PLCE1: variants seen among roughly 807,000 people sequenced by gnomAD.
PLCE1 encodes phospholipase C epsilon 1, also known as 1-phosphatidylinositol 4,5-bisphosphate phosphodiesterase epsilon-1.
A neutral mutation model predicts 242.8 loss-of-function variants in PLCE1; 119 were observed. That is an observed-to-expected ratio of 0.49 (90% confidence interval 0.42 to 0.57). The LOEUF (loss-of-function observed/expected upper bound fraction) is 0.57. Ranked by LOEUF, PLCE1 falls within the 20% of genes least tolerant of loss-of-function variation. The pLI is 0.00. For synonymous variants in PLCE1, 945 were observed against 1,017.4 expected, an observed-to-expected ratio of 0.93 and a Z score of 1.35; for missense variants, 2,441 against 2,788.8, an observed-to-expected ratio of 0.88 and a Z score of 2.81.
chr10:94,260,597 T>C (rs980295812), intron 13 of PLCE1, among the ~76,000 whole-genome samples: 10 of 151,886 alleles, frequency 6.6e-5, no homozygotes, highest in Non-Finnish European at 1.0e-4. Context: ...ATTATTGGAC[T>C]TTATTTTTTG....
intron 4 of PLCE1, among the ~76,000 whole-genome samples, chr10:94,221,245 C>T (rs997068473): frequency 2.0e-5 from 3 of 152,170 alleles, no homozygotes; most frequent in Non-Finnish European, 2.9e-5. Flanking sequence ...TAAACACCAC[C>T]CCCAGTGCTT....
chr10:94,123,598 C>T (rs973539847), intron 2 of PLCE1, among the ~76,000 whole-genome samples: 9 of 152,210 alleles, frequency 5.9e-5, no homozygotes, highest in African/African-American at 1.9e-4. Context: ...CAACTACCCC[C>T]TCCAACAGCC....
At chr10:94,324,700 T>C (rs1432781626) in intron 31 of PLCE1, 133 bp downstream of exon 31, 1 of 998,686 alleles carries the variant, frequency 1.0e-6, no homozygotes, top group Non-Finnish European at 1.5e-6. Flanking sequence ...AGAAAATTGT[T>C]TGGCTTTGTT....
At chr10:94,251,991 A>G (rs1041514528) in intron 8 of PLCE1, among the ~76,000 whole-genome samples, 2 of 152,166 alleles carry the variant, frequency 1.3e-5, no homozygotes, top group African/African-American at 4.8e-5. Flanking sequence ...TAATTTGCAA[A>G]GTAAGTCTAA....
At chr10:94,272,630 G>A (rs560836504) in intron 18 of PLCE1, among the ~76,000 whole-genome samples, 109 of 152,252 alleles carry the variant, frequency 7.2e-4, no homozygotes, top group African/African-American at 2.4e-3. Flanking sequence ...AACGATAAAC[G>A]TCCGTGAAAT....
rs370404700 is a variant in PLCE1, at chr10:94,313,357, C to T, written c.6107C>T (p.Thr2036Ile). ...PFTVFTINGG[T>I]KAKQLLQQIL... ...ACCGTTTTCACTATTAATGGAGGCA[C>T]CAAGGCAAAGCAGCTTCTGCAGCAA... Residue 2036 changes from threonine (T) to isoleucine (I), a missense_variant, in exon 28 of 33, where the codon ACC becomes ATC. Coordinates refer to ENST00000371380, the MANE Select transcript of PLCE1 (RefSeq NM_016341.4). 6 of 1,614,116 alleles carry T rather than the reference C, an allele frequency of 3.7e-6. No homozygotes were observed. In the East Asian group the frequency reaches 1.1e-4, roughly 30 times the overall value.
rs548717040 is a variant in PLCE1, at chr10:94,166,476, G to T, written c.1493-4704G>T. ...TATAATTTAAAATCATGATCAGAAG[G>T]TTGCTCAGCTGGCTTGGGGAGGAGA... On this transcript the variant is annotated intron_variant, in intron 3 of 32. Coordinates refer to ENST00000371380, the MANE Select transcript of PLCE1 (RefSeq NM_016341.4). 1.6e-4 allele frequency among the ~76,000 whole-genome samples: 24 copies of T among 152,216 alleles called. 1 individual carries two copies. In the South Asian group the frequency reaches 4.6e-3, roughly 29 times the overall value.
chr10:94,263,140 G>A (rs961608205), intron 14 of PLCE1, among the ~76,000 whole-genome samples: 2 of 152,092 alleles, frequency 1.3e-5, no homozygotes, highest in Admixed American at 6.5e-5. Context: ...AAAGTGCTGG[G>A]ATTACAGGCG....
chr10:93,994,303 G>A (rs1371626536), intron 1 of PLCE1, among the ~76,000 whole-genome samples, 45 bp downstream of exon 1: 1 of 152,232 alleles, frequency 6.6e-6, no homozygotes, highest in African/African-American at 2.4e-5. Context: ...ACTGGAGAAA[G>A]GGAAGGATGG....
intron 2 of PLCE1, among the ~76,000 whole-genome samples, chr10:94,102,170 A>T (rs921602555): frequency 6.6e-6 from 1 of 152,240 alleles, no homozygotes; most frequent in South Asian, 2.1e-4. Flanking sequence ...TATGCCCATT[A>T]TCTACATTAT....
At chr10:94,279,507 G>C (rs1258036232) in intron 19 of PLCE1, 2 of 477,972 alleles carry the variant, frequency 4.2e-6, no homozygotes, top group Admixed American at 6.9e-5. Flanking sequence ...CTCTTGGAGG[G>C]GTTGTCCTGG....
rs1298730596 is a variant in PLCE1 at position 94,330,238 on chromosome 10, T to C, written c.*2295T>C. The C allele has an allele frequency of 1.3e-5, 2 of 152,228 alleles. No homozygotes were observed. Among genetic ancestry groups the C allele is most frequent in the African/African-American group, 4.8e-5 (2 of 41,450 alleles). 9.4% of individuals were successfully genotyped at this position (152,228 alleles called of 1,614,324 possible). A position where few individuals can be genotyped will look rare whatever the true frequency, so the allele number is the denominator to read the frequency against. Reference sequence around the variant, plus strand: ...TTACAACATAAATCTGAGACTGAAGTTGAGACCAGGTTGTTTAGCAAGTGA... The same window carrying C: ...TTACAACATAAATCTGAGACTGAAGCTGAGACCAGGTTGTTTAGCAAGTGA... On this transcript the variant is annotated 3_prime_UTR_variant, in exon 33 of 33. Transcript: ENST00000371380.
Position 94,330,593 on chromosome 10 carries a change from G to A in PLCE1, c.*2650G>A, listed in dbSNP as rs543220425. The A allele has an allele frequency of 6.6e-6, 1 of 152,050 alleles. No homozygotes were observed. The highest frequency in any genetic ancestry group is 2.1e-4 in the South Asian group (1 of 4,820). The allele number at this position is 152,050 out of a possible 1,614,324, so 9.4% of individuals were successfully genotyped here. A position where few individuals can be genotyped will look rare whatever the true frequency, so the allele number is the denominator to read the frequency against. ...AAATCCCAGCTATTGGGGAGGCTGAGGCAGGAGAGAATTGCCTGAACTCAA... is the reference window on the plus strand; with the variant it reads ...AAATCCCAGCTATTGGGGAGGCTGAAGCAGGAGAGAATTGCCTGAACTCAA... On this transcript the variant is annotated 3_prime_UTR_variant, in exon 33 of 33. Coordinates refer to ENST00000371380, the MANE Select transcript of PLCE1 (RefSeq NM_016341.4).
chr10:94,178,561 G>T (rs1192703099), intron 4 of PLCE1, among the ~76,000 whole-genome samples: 1 of 152,150 alleles, frequency 6.6e-6, no homozygotes, highest in Non-Finnish European at 1.5e-5. Flanking sequence ...ACAGTTTAAA[G>T]GCCATCCTCT....
At chr10:94,302,812 T>C (rs1449377655) in intron 24 of PLCE1, among the ~76,000 whole-genome samples, 1 of 152,204 alleles carries the variant, frequency 6.6e-6, no homozygotes, top group African/African-American at 2.4e-5. Context: ...CTTAGAATGG[T>C]GTCTGGTCCT....
In PLCE1 at chr10:94,306,769, TTC is replaced by T; in HGVS notation, c.5884+83_5884+84del. 3 of 1,104,276 alleles carry T rather than the reference TTC, an allele frequency of 2.7e-6. No homozygotes were observed. Among genetic ancestry groups the T allele is most frequent in the South Asian group, 2.7e-5 (2 of 75,442 alleles). The allele number at this position is 1,104,276 out of a possible 1,614,324, so 68.4% of individuals were successfully genotyped here. A position where few individuals can be genotyped will look rare whatever the true frequency, so the allele number is the denominator to read the frequency against. ...GAATTTCCTTATACTCTTCTCTCTT[TTC>T]TGTTTGACATTTTCCTATAAAGAAG... is the stretch of plus-strand genomic sequence containing the variant. On this transcript the variant is annotated intron_variant, in intron 26 of 32. Coordinates refer to ENST00000371380, the MANE Select transcript of PLCE1 (RefSeq NM_016341.4). The surrounding 1 kb of genome is among the most constrained non-coding windows in gnomAD (Gnocchi z 5.7).
chr10:94,070,533 G>A (rs2135097464), intron 2 of PLCE1, among the ~76,000 whole-genome samples: 1 of 152,238 alleles, frequency 6.6e-6, no homozygotes, highest in African/African-American at 2.4e-5. Context: ...GTGCCTCTCA[G>A]CTGGCCCCTT....
At chr10:94,256,127 G>A (rs773538355) in intron 11 of PLCE1, among the ~76,000 whole-genome samples, 1 of 151,550 alleles carries the variant, frequency 6.6e-6, no homozygotes, top group Non-Finnish European at 1.5e-5. Context: ...AGGAATTCGA[G>A]ACCAGCCTGA....
chr10:94,272,432 C>T (rs187019251), intron 18 of PLCE1, among the ~76,000 whole-genome samples: 3 of 152,266 alleles, frequency 2.0e-5, no homozygotes, highest in Admixed American at 1.3e-4. Flanking sequence ...CCCTTGTTCC[C>T]TAAAATCGCT....
Sources: allele counts gnomAD v4.1 joint callset (sites outside exome capture counted in the v4.1 genomes callset), GRCh38; gene constraint gnomAD v4.1.1; non-coding constraint Gnocchi (gnomAD v3.1); transcripts MANE v1.5; gene names NCBI Gene and HGNC (gene_info 2026-07-23, HGNC 2026-07-21).